ACSS1: variants seen among roughly 807,000 people sequenced by gnomAD.
ACSS1 encodes acetyl-coenzyme A synthetase 2-like, mitochondrial.
ACSS1 carries 42 observed loss-of-function variants against 75.3 expected under a neutral mutation model. The observed-to-expected ratio is 0.56, with a 90% confidence interval of 0.44 to 0.72. The LOEUF (loss-of-function observed/expected upper bound fraction) is 0.72, where lower values mean the gene tolerates loss of function less well. ACSS1 is among the 30% of genes least tolerant of loss of function. ACSS1 has a pLI of 0.00. For missense variants in ACSS1, 782 were observed against 935.7 expected (o/e 0.84, Z 2.14); for synonymous variants, 380 against 376.8 (o/e 1.01, Z -0.10).
rs773710121 is a variant in ACSS1, at chr20:25,023,553, C to T, written c.720G>A (p.Lys240=). The T allele has an allele frequency of 6.2e-7, 1 of 1,614,182 alleles. No homozygotes were observed. The part of the protein sequence containing the change: ...ELKKIVDEAV[K]HCPTVQHVLV... ...GGACATGCTGCACGGTGGGGCAGTG[C>T]TTCACAGCCTCATCCACTATTTTCT... is the stretch of plus-strand genomic sequence containing the variant. Residue 240 remains lysine, a synonymous_variant, in exon 4 of 14, where the codon AAG becomes AAA. Coordinates refer to ENST00000323482, the MANE Select transcript of ACSS1 (RefSeq NM_032501.4).
intron 7 of ACSS1, among the ~76,000 whole-genome samples, chr20:25,015,949 G>A (rs1471076916): frequency 6.6e-6 from 1 of 152,112 alleles, no homozygotes; most frequent in Non-Finnish European, 1.5e-5. Flanking sequence ...GACCCCTGAC[G>A]TACACCCCAC....
chr20:25,025,685 C>T (rs990792840), intron 3 of ACSS1, among the ~76,000 whole-genome samples: 4 of 152,236 alleles, frequency 2.6e-5, no homozygotes, highest in African/African-American at 7.2e-5. Flanking sequence ...GGATTAAGGT[C>T]GCCTTTTCCT....
rs1022967353 is a variant in ACSS1, at chr20:25,006,321, A to G, written c.*1441T>C. 3.3e-5 allele frequency: 5 copies of G among 152,952 alleles called. No individual in the cohort carries two copies. The highest frequency in any genetic ancestry group is 1.2e-4 in the African/African-American group (5 of 41,444). The allele number at this position is 152,952 out of a possible 1,614,324, so 9.5% of individuals were successfully genotyped here. The stretch of plus-strand genomic sequence containing the variant: ...CCATGTCCAGGTTCCTCTCAGCAAC[A>G]TGGAAAGCTAAGCCATTTCACAAAC... On this transcript the variant is annotated 3_prime_UTR_variant, in exon 14 of 14. Transcript: ENST00000323482.
At chr20:25,027,549 A>T (rs1331369070) in intron 3 of ACSS1, among the ~76,000 whole-genome samples, 1 of 152,210 alleles carries the variant, frequency 6.6e-6, no homozygotes, top group Non-Finnish European at 1.5e-5. Flanking sequence ...ATCTCAATTG[A>T]CGCAGAGCAA....
intron 2 of ACSS1, among the ~76,000 whole-genome samples, chr20:25,037,788 C>T (rs370577227): frequency 7.7e-4 from 118 of 152,358 alleles, no homozygotes; most frequent in African/African-American, 2.8e-3. Context: ...GGATGGCCAG[C>T]TCGCATCTCA....
chr20:25,048,183 T>C lies in ACSS1; in HGVS notation c.335-2A>G. ...GAACATGCTGGTCCAAGCAGTTGAC[T>C]GTACAAAAAGAGGGTTTGCGGATGT... is the stretch of plus-strand genomic sequence containing the variant. On this transcript the variant is annotated splice_acceptor_variant, in intron 1 of 13. Transcript: ENST00000323482. LOFTEE classifies it high-confidence loss of function. 6.2e-7 allele frequency: 1 copy of C among 1,612,290 alleles called. No individual in the cohort carries two copies. Among genetic ancestry groups the C allele is most frequent in the Non-Finnish European group, 8.5e-7 (1 of 1,179,760 alleles).
intron 1 of ACSS1, among the ~76,000 whole-genome samples, chr20:25,051,506 C>T (rs2089174104): frequency 6.6e-6 from 1 of 152,122 alleles, no homozygotes; most frequent in African/African-American, 2.4e-5. Flanking sequence ...ATCAGAAGTC[C>T]CCAGAGGACG....
intron 7 of ACSS1, 54 bp from the exon 8 acceptor site, chr20:25,015,284 C>A: frequency 2.7e-6 from 4 of 1,470,710 alleles, no homozygotes; most frequent in Non-Finnish European, 3.7e-6. Context: ...AAACCTGAAA[C>A]CAAAGGGAAG....
At chr20:25,014,950 C>T (rs1037813631) in intron 8 of ACSS1, among the ~76,000 whole-genome samples, 188 bp downstream of exon 8, 4 of 152,266 alleles carry the variant, frequency 2.6e-5, no homozygotes, top group South Asian at 2.1e-4. Flanking sequence ...AGAGGTCCCA[C>T]AGGTGGGAAA....
Position 25,022,942 on chromosome 20 carries a change from T to C in ACSS1, c.958A>G (p.Lys320Glu), listed in dbSNP as rs1600319828. Residue 320 changes from lysine (K) to glutamate (E), a missense_variant and splice_region_variant, in exon 5 of 14, where the codon AAG becomes GAG. Transcript: ENST00000323482. ...GCACCGCCCGCACAGGCCTGTACCTTGTGAGTCAGGGCGGCATAGAGCAGG... is the reference window on the plus strand; with the variant it reads ...GCACCGCCCGCACAGGCCTGTACCTCGTGAGTCAGGGCGGCATAGAGCAGG... ...GYLLYAALTH[K>E]LVFDHQPGDI... The C allele has an allele frequency of 6.2e-7, 1 of 1,612,112 alleles. No individual in the cohort carries two copies. Among genetic ancestry groups the C allele is most frequent in the Non-Finnish European group, 8.5e-7 (1 of 1,179,422 alleles).
chr20:25,021,857 C>T (rs919117516), intron 5 of ACSS1, among the ~76,000 whole-genome samples: 6 of 152,178 alleles, frequency 3.9e-5, no homozygotes, highest in Non-Finnish European at 5.9e-5. Flanking sequence ...GACAGACATC[C>T]GAATCCCCTT....
chr20:25,022,232 G>T (rs1432542008), intron 5 of ACSS1, among the ~76,000 whole-genome samples: 1 of 152,060 alleles, frequency 6.6e-6, no homozygotes, highest in Non-Finnish European at 1.5e-5. Flanking sequence ...GTGGTGGCAG[G>T]TGCCTGTAAT....
chr20:25,021,741 A>T (rs1334000773), intron 5 of ACSS1, among the ~76,000 whole-genome samples: 1 of 152,214 alleles, frequency 6.6e-6, no homozygotes, highest in Non-Finnish European at 1.5e-5. Flanking sequence ...ACCTTTTTGC[A>T]TTACCTTATG....
chr20:25,056,243 AAGTCC>A (rs1170528296), intron 1 of ACSS1, among the ~76,000 whole-genome samples: 36 of 152,162 alleles, frequency 2.4e-4, no homozygotes, highest in Non-Finnish European at 1.5e-5. Flanking sequence ...TTGGCCTCAC[AAGTCC>A]AGAGCAGGTC....
At chr20:25,045,037 C>T (rs1365596192) in intron 2 of ACSS1, among the ~76,000 whole-genome samples, 1 of 152,232 alleles carries the variant, frequency 6.6e-6, no homozygotes, top group Non-Finnish European at 1.5e-5. Flanking sequence ...ACCTCGCTGC[C>T]CAGTTACAAT....
intron 8 of ACSS1, among the ~76,000 whole-genome samples, chr20:25,014,771 C>T (rs768211331): frequency 3.9e-5 from 6 of 152,190 alleles, no homozygotes; most frequent in Non-Finnish European, 8.8e-5. Flanking sequence ...CAGATGTTCC[C>T]CTGTTCAGAA....
At chr20:25,029,837 G>A (rs1054244947) in intron 3 of ACSS1, among the ~76,000 whole-genome samples, 9 of 152,184 alleles carry the variant, frequency 5.9e-5, no homozygotes, top group Non-Finnish European at 8.8e-5. Flanking sequence ...TTTTAGGGGA[G>A]GGGAATAATA....
At chr20:25,046,443 G>A (rs888366041) in intron 2 of ACSS1, 1 of 284,930 alleles carries the variant, frequency 3.5e-6, no homozygotes, top group East Asian at 8.7e-5. Context: ...GTGCTCCCAC[G>A]GGCAGCGTCC....
intron 6 of ACSS1, among the ~76,000 whole-genome samples, chr20:25,021,173 T>C (rs2088617483): frequency 6.6e-6 from 1 of 152,228 alleles, no homozygotes; most frequent in Non-Finnish European, 1.5e-5. Flanking sequence ...TGAGATGTCC[T>C]CCAGCACCAA....
Sources: allele counts gnomAD v4.1 joint callset (sites outside exome capture counted in the v4.1 genomes callset), GRCh38; gene constraint gnomAD v4.1.1; transcripts MANE v1.5; gene names NCBI Gene and HGNC (gene_info 2026-07-23, HGNC 2026-07-21).